CTNNA2: variants seen among roughly 807,000 people sequenced by gnomAD.
CTNNA2 encodes catenin alpha 2.
A neutral mutation model predicts 101.0 loss-of-function variants in CTNNA2; 42 were observed. The observed-to-expected ratio is 0.42, with a 90% CI of 0.32 to 0.54. CTNNA2 has a LOEUF of 0.54. Ranked by LOEUF, CTNNA2 falls within the 20% of genes least tolerant of loss-of-function variation. The pLI, the probability that CTNNA2 is intolerant of heterozygous loss-of-function variation, is 0.14. For synonymous variants in CTNNA2, 450 were observed against 456.4 expected, an observed-to-expected ratio of 0.99 and a Z score of 0.18; for missense variants, 871 against 1,223.1, an observed-to-expected ratio of 0.71 and a Z score of 4.29.
chr2:79,653,846 A>G (rs934683013), intron 2 of CTNNA2, among the ~76,000 whole-genome samples: 1 of 152,156 alleles, frequency 6.6e-6, no homozygotes, highest in African/African-American at 2.4e-5. Flanking sequence ...TAAGTTCATC[A>G]CTTGTAATTC....
At chr2:79,766,858 T>C (rs183830219) in intron 3 of CTNNA2, among the ~76,000 whole-genome samples, 2,530 of 151,954 alleles carry the variant, frequency 0.017, 52 homozygotes, top group African/African-American at 0.056. Flanking sequence ...TGGGTTCAAG[T>C]GATTCTCCTG....
chr2:79,683,215 A>T (rs193187061), intron 2 of CTNNA2, among the ~76,000 whole-genome samples: 1 of 152,258 alleles, frequency 6.6e-6, no homozygotes, highest in East Asian at 1.9e-4. Context: ...CTGGTACAAG[A>T]GGTTAATGGG....
chr2:80,065,207 A>G (rs902584960), intron 7 of CTNNA2, among the ~76,000 whole-genome samples: 2 of 152,010 alleles, frequency 1.3e-5, no homozygotes, highest in African/African-American at 4.8e-5. Context: ...AGAAAAAAAA[A>G]TTAAGTACTG....
chr2:79,466,156 C>A lies in CTNNA2; in HGVS notation c.-134-38898C>A, dbSNP rs1172798756. Among the ~76,000 whole-genome samples the A allele has an allele frequency of 2.6e-5, 4 of 152,204 alleles. No homozygotes were observed. In the South Asian group the frequency reaches 8.3e-4, roughly 31 times the overall value. ...CCTAGCCAAGGGTAGCTGTGACAGA[C>A]AGCACCTGGAAAATCGGGTCACTCC... On this transcript the variant is annotated intron_variant, in intron 4 of 21. Transcript: ENST00000466387.
chr2:80,589,897 TGTGTGTG>T (rs1284840240), intron 15 of CTNNA2, among the ~76,000 whole-genome samples: 26 of 147,074 alleles, frequency 1.8e-4, no homozygotes, highest in African/African-American at 5.7e-4. Context: ...TGTGTGTGTG[TGTGTGTG>T]TGCGCGCGCG....
At chr2:79,625,531 G>T (rs371257823) in intron 1 of CTNNA2, among the ~76,000 whole-genome samples, 1 of 152,082 alleles carries the variant, frequency 6.6e-6, no homozygotes, top group African/African-American at 2.4e-5. Context: ...TGTATGCCTC[G>T]CATGCAGATA....
intron 7 of CTNNA2, among the ~76,000 whole-genome samples, chr2:80,316,051 G>A (rs1358236707): frequency 6.6e-6 from 1 of 152,098 alleles, no homozygotes; most frequent in Non-Finnish European, 1.5e-5. Flanking sequence ...TTTCTCCTAA[G>A]TCCCTTTCTT....
chr2:79,289,317 C>G (rs1203138873), intron 2 of CTNNA2, among the ~76,000 whole-genome samples: 1 of 152,014 alleles, frequency 6.6e-6, no homozygotes, highest in African/African-American at 2.4e-5. Context: ...CTGTGAGCAG[C>G]TAGAATAATT....
intron 4 of CTNNA2, among the ~76,000 whole-genome samples, chr2:79,469,398 AC>A (rs1443570872): frequency 2.0e-5 from 3 of 152,154 alleles, no homozygotes; most frequent in Admixed American, 2.0e-4. Flanking sequence ...TAGCCTACCA[AC>A]CAAAAAAGGT....
At chr2:79,985,346 T>C in intron 7 of CTNNA2, among the ~76,000 whole-genome samples, 1 of 152,172 alleles carries the variant, frequency 6.6e-6, no homozygotes, top group Non-Finnish European at 1.5e-5. Flanking sequence ...GCTTCCCCTG[T>C]AGGTGAATTC....
At chr2:79,380,783 A>G (rs1678029556) in intron 4 of CTNNA2, among the ~76,000 whole-genome samples, 2 of 152,144 alleles carry the variant, frequency 1.3e-5, no homozygotes, top group African/African-American at 4.8e-5. Context: ...AATATTTCCT[A>G]GTTTTAGTTT....
intron 1 of CTNNA2, among the ~76,000 whole-genome samples, chr2:79,602,845 G>A (rs1401992157): frequency 6.6e-6 from 1 of 152,076 alleles, no homozygotes; most frequent in Non-Finnish European, 1.5e-5. Flanking sequence ...AAATGTTTGG[G>A]ATGAGAGAAA....
intron 9 of CTNNA2, among the ~76,000 whole-genome samples, chr2:80,530,382 T>C (rs11685198): frequency 0.15 from 22,940 of 152,180 alleles, 2,069 homozygotes; most frequent in Middle Eastern, 0.28. Flanking sequence ...ACAAGGGAGC[T>C]TCCAGCTCGG....
Position 80,140,004 on chromosome 2 carries a change from C to G in CTNNA2, c.1056+230207C>G, listed in dbSNP as rs17038103. 3.4e-3 allele frequency among the ~76,000 whole-genome samples: 521 copies of G among 152,296 alleles called. 2 individuals carry two copies. The highest frequency in any genetic ancestry group is 0.011 in the African/African-American group (471 of 41,576). ...TACACATTGACAGACAGTATTTGGA[C>G]TTCAGAGTACAGTGTGAGAACTAGA... On this transcript the variant is annotated intron_variant, in intron 7 of 18. Coordinates refer to ENST00000402739, the MANE Select transcript of CTNNA2 (RefSeq NM_001282597.3).
chr2:80,556,860 G>C (rs181983211), intron 12 of CTNNA2, among the ~76,000 whole-genome samples: 2 of 152,170 alleles, frequency 1.3e-5, no homozygotes, highest in African/African-American at 4.8e-5. Context: ...AACCCTAAGG[G>C]GGACCTTCAT....
chr2:79,437,096 T>C (rs1678724606), intron 4 of CTNNA2, among the ~76,000 whole-genome samples: 1 of 151,872 alleles, frequency 6.6e-6, no homozygotes, highest in African/African-American at 2.4e-5. Context: ...TAGCCGGGTA[T>C]GGTGGTGTGT....
At chr2:79,391,942 A>G (rs1285073260) in intron 4 of CTNNA2, among the ~76,000 whole-genome samples, 1 of 152,066 alleles carries the variant, frequency 6.6e-6, no homozygotes, top group African/African-American at 2.4e-5. Context: ...ATCCTCACAC[A>G]TAATCATTCC....
chr2:80,161,314 C>A (rs1196801337), intron 7 of CTNNA2, among the ~76,000 whole-genome samples: 1 of 152,022 alleles, frequency 6.6e-6, no homozygotes, highest in African/African-American at 2.4e-5. Context: ...CCATGCACAG[C>A]CCTTAGCTTA....
chr2:80,393,389 T>G (rs1677706060), intron 8 of CTNNA2, 98 bp downstream of exon 8: 6 of 844,306 alleles, frequency 7.1e-6, no homozygotes, highest in Non-Finnish European at 1.1e-5. Context: ...ACAATGAGGT[T>G]GTTATTCTTT....
Sources: allele counts gnomAD v4.1 joint callset (sites outside exome capture counted in the v4.1 genomes callset), GRCh38; gene constraint gnomAD v4.1.1; transcripts MANE v1.5; gene names NCBI Gene and HGNC (gene_info 2026-07-23, HGNC 2026-07-21).